The following CEP63 variants were observed in gnomAD, a reference collection of about 807,000 sequenced individuals.
CEP63 encodes centrosomal protein 63, also known as centrosomal protein of 63 kDa.
Under a neutral mutation model 89.1 loss-of-function variants are expected in CEP63, and 84 were observed. The observed-to-expected ratio is 0.94, with a 90% CI of 0.79 to 1.13. The LOEUF (loss-of-function observed/expected upper bound fraction) is 1.13, where lower values mean the gene tolerates loss of function less well. Ranked by LOEUF, CEP63 falls within the 50% of genes most tolerant of loss-of-function variation. The probability of loss-of-function intolerance (pLI) is 0.00; values close to 1 mark genes in which losing one functional copy is unlikely to be tolerated. For missense variants in CEP63, 838 were observed against 813.3 expected (o/e 1.03, Z -0.37); for synonymous variants, 267 against 272.5 (o/e 0.98, Z 0.20).
intron 1 of CEP63, among the ~76,000 whole-genome samples, chr3:134,494,773 G>A (rs865962482): frequency 1.3e-5 from 2 of 152,178 alleles, no homozygotes; most frequent in Admixed American, 6.5e-5. Context: ...GCTGCCTTTC[G>A]GTGGAGAGAG....
At chr3:134,680,499 AGGGGTCTG>A in the CEP63 span, among the ~76,000 whole-genome samples, 1 of 152,142 alleles carries the variant, frequency 6.6e-6, no homozygotes, top group African/African-American at 2.4e-5. Flanking sequence ...TCACTCCCCG[AGGGGTCTG>A]GGGCAATAAG....
the CEP63 span, among the ~76,000 whole-genome samples, chr3:134,643,870 A>C: frequency 1.4e-5 from 2 of 139,560 alleles, no homozygotes; most frequent in South Asian, 4.5e-4. Context: ...TCTGTCACCC[A>C]GGGTGAAGTG....
At chr3:134,696,751 T>A in the CEP63 span, among the ~76,000 whole-genome samples, 1 of 152,196 alleles carries the variant, frequency 6.6e-6, no homozygotes, top group Non-Finnish European at 1.5e-5. Flanking sequence ...TATTCAAACA[T>A]GTATATTGCT....
chr3:134,654,757 G>T, the CEP63 span, among the ~76,000 whole-genome samples: 1 of 152,174 alleles, frequency 6.6e-6, no homozygotes, highest in Non-Finnish European at 1.5e-5. Flanking sequence ...CTGTGGGGAG[G>T]GTCTCATGAA....
chr3:134,655,548 A>C, the CEP63 span, among the ~76,000 whole-genome samples: 1 of 152,194 alleles, frequency 6.6e-6, no homozygotes, highest in Non-Finnish European at 1.5e-5. Flanking sequence ...GACCTACCCA[A>C]GGTCTCACAT....
intron 1 of CEP63, among the ~76,000 whole-genome samples, 161 bp from the exon 2 acceptor site, chr3:134,495,135 T>C (rs983881696): frequency 2.6e-5 from 4 of 152,226 alleles, no homozygotes; most frequent in African/African-American, 9.7e-5. Flanking sequence ...GTTCCTAGTA[T>C]TCCTGAAGTG....
At chr3:134,741,418 T>C in the CEP63 span, among the ~76,000 whole-genome samples, 2 of 152,170 alleles carry the variant, frequency 1.3e-5, no homozygotes, top group African/African-American at 4.8e-5. Context: ...GCATCTCCTT[T>C]ACTTGGTCGT....
the CEP63 span, chr3:134,603,286 C>A: frequency 3.6e-6 from 1 of 277,312 alleles, no homozygotes; most frequent in East Asian, 6.6e-5. Flanking sequence ...AGCACTAATA[C>A]GAGAAGGGGC....
At chr3:134,726,784 A>G in the CEP63 span, among the ~76,000 whole-genome samples, 1 of 152,258 alleles carries the variant, frequency 6.6e-6, no homozygotes, top group African/African-American at 2.4e-5. Context: ...TCAGAGCCAG[A>G]TGCTGAAGTC....
At chr3:134,759,290 C>T in the CEP63 span, among the ~76,000 whole-genome samples, 1 of 152,226 alleles carries the variant, frequency 6.6e-6, no homozygotes, top group Non-Finnish European at 1.5e-5. Flanking sequence ...ACCTTTGAGG[C>T]TAGACCTGTG....
chr3:134,670,987 T>C, the CEP63 span, among the ~76,000 whole-genome samples: 1 of 152,204 alleles, frequency 6.6e-6, no homozygotes, highest in African/African-American at 2.4e-5. Context: ...TGTCTACAGA[T>C]ACATACATTT....
the CEP63 span, among the ~76,000 whole-genome samples, chr3:134,651,969 A>AC: frequency 1.3e-5 from 2 of 151,626 alleles, no homozygotes; most frequent in Admixed American, 6.6e-5. Context: ...TAATAAATGC[A>AC]CCCCCACATG....
chr3:134,576,426 A>G (rs77603839), downstream of CEP63, among the ~76,000 whole-genome samples: 906 of 152,316 alleles, frequency 5.9e-3, 22 homozygotes, highest in South Asian at 0.074. Context: ...CTGCTCCAAG[A>G]ACCTCTGACA....
chr3:134,678,919 C>T, the CEP63 span, among the ~76,000 whole-genome samples: 1 of 152,290 alleles, frequency 6.6e-6, no homozygotes, highest in African/African-American at 2.4e-5. Context: ...GGGCCCCTAA[C>T]ATATGACATT....
At chr3:134,603,839 C>T in the CEP63 span, 37 of 1,613,884 alleles carry the variant, frequency 2.3e-5, no homozygotes, top group East Asian at 8.9e-5. Context: ...TTGTCCTGTC[C>T]CCAGTTGCCA....
chr3:134,651,059 C>CGAGGGCGCGGAA, the CEP63 span: 26 of 1,545,648 alleles, frequency 1.7e-5, no homozygotes, highest in Non-Finnish European at 2.1e-5. Context: ...CGGGAGAGGG[C>CGAGGGCGCGGAA]GAGGGCGCGG....
chr3:134,584,974 T>TTTTTTTTTTTTTTTTTTTTTTTTTTTG (rs1958451757), intron 10 of CEP63, among the ~76,000 whole-genome samples: 1 of 149,470 alleles, frequency 6.7e-6, no homozygotes, highest in African/African-American at 2.5e-5. Flanking sequence ...TTTTTTTTTT[T>TTTTTTTTTTTTTTTTTTTTTTTTTTTG]GCATGGAGGT....
At chr3:134,501,060 A>G (rs191518223) in intron 2 of CEP63, among the ~76,000 whole-genome samples, 29 of 152,264 alleles carry the variant, frequency 1.9e-4, no homozygotes, top group African/African-American at 6.5e-4. Flanking sequence ...TCATACAAGT[A>G]GCCAGTTTTC....
the CEP63 span, among the ~76,000 whole-genome samples, chr3:134,688,589 G>C: frequency 6.6e-6 from 1 of 152,332 alleles, no homozygotes; most frequent in South Asian, 2.1e-4. Context: ...AGTCAGAGTA[G>C]ACTCGTGTGT....
Sources: allele counts gnomAD v4.1 joint callset (sites outside exome capture counted in the v4.1 genomes callset), GRCh38; gene constraint gnomAD v4.1.1; transcripts MANE v1.5; gene names NCBI Gene and HGNC (gene_info 2026-07-23, HGNC 2026-07-21).